The following NUBPL variants were observed in gnomAD, a reference collection of about 807,000 sequenced individuals.
The protein encoded by NUBPL is NUBP iron-sulfur cluster assembly factor, mitochondrial.
NUBPL carries 31 observed loss-of-function variants against 45.7 expected under a neutral mutation model. That is an observed-to-expected ratio of 0.68 (90% CI 0.51 to 0.92). The LOEUF (loss-of-function observed/expected upper bound fraction) is 0.92, where lower values mean the gene tolerates loss of function less well. NUBPL is among the 40% of genes least tolerant of loss of function. NUBPL has a pLI of 0.00. For synonymous variants in NUBPL, 144 were observed against 140.9 expected, an observed-to-expected ratio of 1.02 and a Z score of -0.15; for missense variants, 401 against 398.7, an observed-to-expected ratio of 1.01 and a Z score of -0.05.
rs2035182875 is a variant in NUBPL at position 31,625,499 on chromosome 14, G to A, written c.382+26120G>A. Among the ~76,000 whole-genome samples, 13 of 150,042 alleles carry A rather than the reference G, an allele frequency of 8.7e-5. No individual in the cohort carries two copies. The South Asian group carries it at 2.5e-3, about 29-fold the overall frequency. On this transcript the variant is annotated intron_variant, in intron 4 of 10. Coordinates refer to ENST00000281081, the MANE Select transcript of NUBPL (RefSeq NM_025152.3). ...TTTCTTTTTTTTTTTTTTTGAGAGG[G>A]AGTCTTGCTCTTGTCGCCCAGGCTG...
At chr14:31,694,883 A>G (rs886589318) in intron 6 of NUBPL, among the ~76,000 whole-genome samples, 1 of 152,254 alleles carries the variant, frequency 6.6e-6, no homozygotes, top group Non-Finnish European at 1.5e-5. Context: ...ACACAGTTGT[A>G]TAAGACATAG....
rs961507643 is a variant in NUBPL at position 31,691,549 on chromosome 14, G to A, written c.513+17975G>A. Among the ~76,000 whole-genome samples the A allele has an allele frequency of 3.9e-5, 6 of 152,274 alleles. No individual in the cohort carries two copies. In the East Asian group the frequency reaches 5.8e-4, roughly 15 times the overall value. ...TCTGGTAACCCTAGATGGAAGTGAT[G>A]TTTCTTAAAAAAGACAGGAAGGTGG... On this transcript the variant is annotated intron_variant, in intron 6 of 10. Coordinates refer to ENST00000281081, the MANE Select transcript of NUBPL (RefSeq NM_025152.3).
chr14:31,732,608 TC>T (rs1254944744), intron 6 of NUBPL, among the ~76,000 whole-genome samples: 6 of 99,208 alleles, frequency 6.0e-5, no homozygotes, highest in Non-Finnish European at 9.6e-5. Context: ...CAATTTGTTC[TC>T]TTTTTTTTTT....
At chr14:31,615,406 A>G (rs1450568348) in intron 4 of NUBPL, among the ~76,000 whole-genome samples, 1 of 152,038 alleles carries the variant, frequency 6.6e-6, no homozygotes, top group East Asian at 1.9e-4. Flanking sequence ...TCAACCCATC[A>G]TCTACATTAG....
chr14:31,598,133 T>A (rs1009978301), intron 3 of NUBPL, among the ~76,000 whole-genome samples: 2 of 152,136 alleles, frequency 1.3e-5, no homozygotes, highest in Non-Finnish European at 2.9e-5. Context: ...TTAATCCCGT[T>A]TTTTCCTCTG....
intron 10 of NUBPL, among the ~76,000 whole-genome samples, chr14:31,857,410 C>A (rs2040641676): frequency 1.3e-5 from 2 of 152,156 alleles, no homozygotes; most frequent in Non-Finnish European, 2.9e-5. Flanking sequence ...GAGACGTTTT[C>A]CCCATTGTCT....
At chr14:31,639,520 C>T (rs148008023) in intron 4 of NUBPL, among the ~76,000 whole-genome samples, 1,881 of 152,238 alleles carry the variant, frequency 0.012, 24 homozygotes, top group Admixed American at 0.029. Context: ...TTAGGCTGCT[C>T]GGGGGTTAGG....
At chr14:31,666,263 A>ATATATATATATATTTATT in intron 4 of NUBPL, among the ~76,000 whole-genome samples, 1,622 of 111,206 alleles carry the variant, frequency 0.015, 205 homozygotes, top group Non-Finnish European at 0.023. Flanking sequence ...ATATATATAT[A>ATATATATATATATTTATT]ATTTTATTTT....
intron 6 of NUBPL, among the ~76,000 whole-genome samples, chr14:31,783,561 A>G (rs991260808): frequency 7.2e-6 from 1 of 138,252 alleles, no homozygotes; most frequent in Non-Finnish European, 1.5e-5. Context: ...GCTGTCACCC[A>G]GGGTGGAATG....
At chr14:31,755,447 G>A (rs567485950) in intron 6 of NUBPL, among the ~76,000 whole-genome samples, 71 of 152,280 alleles carry the variant, frequency 4.7e-4, no homozygotes, top group East Asian at 1.2e-3. Context: ...TCTGATGGCC[G>A]GTGATGCTGA....
chr14:31,791,674 G>A (rs1326035404), intron 7 of NUBPL, among the ~76,000 whole-genome samples: 1 of 152,118 alleles, frequency 6.6e-6, no homozygotes, highest in East Asian at 1.9e-4. Context: ...AGTATGAGAA[G>A]TGCTTATGAG....
At chr14:31,733,943 G>C (rs1049579421) in intron 6 of NUBPL, among the ~76,000 whole-genome samples, 1 of 152,114 alleles carries the variant, frequency 6.6e-6, no homozygotes, top group Non-Finnish European at 1.5e-5. Flanking sequence ...AGAGAGTTCT[G>C]TTCCTAGTTT....
chr14:31,852,395 C>T (rs1260831377), intron 10 of NUBPL, among the ~76,000 whole-genome samples: 6 of 152,094 alleles, frequency 3.9e-5, no homozygotes, highest in Non-Finnish European at 7.4e-5. Context: ...AAAGTAGGCC[C>T]GGCACGGTGG....
rs35756264 is a variant in NUBPL at position 31,734,757 on chromosome 14, A to G, written c.514-53023A>G. On this transcript the variant is annotated intron_variant, in intron 6 of 10. Transcript: ENST00000281081. Reference sequence around the variant, plus strand: ...GTATTTATAATCAAAGACATGAAATAGTAGCAAGAATACTATATACCTCAG... The same window carrying G: ...GTATTTATAATCAAAGACATGAAATGGTAGCAAGAATACTATATACCTCAG... Among the ~76,000 whole-genome samples, 7 of 151,644 alleles carry G rather than the reference A, an allele frequency of 4.6e-5. No individual in the cohort carries two copies. The East Asian group carries it at 1.4e-3, about 29-fold the overall frequency.
chr14:31,773,429 A>G (rs1274127744), intron 6 of NUBPL, among the ~76,000 whole-genome samples: 1 of 150,222 alleles, frequency 6.7e-6, no homozygotes, highest in African/African-American at 2.5e-5. Context: ...ATCTGGAGGG[A>G]GAGTCCAGAG....
intron 6 of NUBPL, among the ~76,000 whole-genome samples, chr14:31,749,108 T>G (rs2038464746): frequency 1.3e-5 from 2 of 152,224 alleles, no homozygotes; most frequent in South Asian, 4.1e-4. Context: ...AATTTGGGAA[T>G]TTAATAACAG....
chr14:31,642,621 A>T (rs1387100198), intron 4 of NUBPL, among the ~76,000 whole-genome samples: 1 of 152,140 alleles, frequency 6.6e-6, no homozygotes, highest in African/African-American at 2.4e-5. Flanking sequence ...AGGTAGTGTG[A>T]TGCATCCATC....
At chr14:31,788,298 G>C (rs2039320749) in intron 7 of NUBPL, among the ~76,000 whole-genome samples, 2 of 152,200 alleles carry the variant, frequency 1.3e-5, no homozygotes, top group Non-Finnish European at 2.9e-5. Flanking sequence ...TGGGCTGCTG[G>C]AAAGAAAATG....
intron 6 of NUBPL, among the ~76,000 whole-genome samples, chr14:31,770,645 G>A (rs2038993005): frequency 6.6e-6 from 1 of 152,076 alleles, no homozygotes; most frequent in South Asian, 2.1e-4. Flanking sequence ...TAACCTTGTA[G>A]CCTTTCATTA....
Sources: allele counts gnomAD v4.1 joint callset (sites outside exome capture counted in the v4.1 genomes callset), GRCh38; gene constraint gnomAD v4.1.1; transcripts MANE v1.5; gene names NCBI Gene and HGNC (gene_info 2026-07-23, HGNC 2026-07-21).